The following LRRC7 variants were observed in gnomAD, a reference collection of about 807,000 sequenced individuals.
LRRC7 encodes leucine-rich repeat-containing protein 7.
Under a neutral mutation model 175.7 loss-of-function variants are expected in LRRC7, and 23 were observed. That is an observed-to-expected ratio of 0.13 (90% CI 0.09 to 0.19). LRRC7 has a LOEUF of 0.19. Among genes scored for constraint, LRRC7 ranks in the 10% least tolerant of loss-of-function variants. The probability of loss-of-function intolerance (pLI) is 1.00; values close to 1 mark genes in which losing one functional copy is unlikely to be tolerated. For synonymous variants in LRRC7, 685 were observed against 680.9 expected (o/e 1.01, Z -0.09); for missense variants, 1,354 against 1,904.7 (o/e 0.71, Z 5.38).
chr1:69,674,158 GTTAATA>G (rs1659477142), intron 1 of LRRC7, among the ~76,000 whole-genome samples: 1 of 151,890 alleles, frequency 6.6e-6, no homozygotes, highest in Admixed American at 6.6e-5. Flanking sequence ...AAATATAAGT[GTTAATA>G]TTATGTTAAT....
At chr1:69,587,776 ATCTC>A (rs745805815) in intron 1 of LRRC7, among the ~76,000 whole-genome samples, 1 of 151,950 alleles carries the variant, frequency 6.6e-6, no homozygotes, top group African/African-American at 2.4e-5. Context: ...CCCTATTATT[ATCTC>A]TCTCTCCTGC....
chr1:69,645,186 T>C (rs1332895266), intron 1 of LRRC7, among the ~76,000 whole-genome samples: 3 of 151,918 alleles, frequency 2.0e-5, no homozygotes, highest in Non-Finnish European at 4.4e-5. Context: ...ACAGATGACA[T>C]AATTAATTTT....
chr1:69,846,788 T>C (rs1682418860), intron 7 of LRRC7, among the ~76,000 whole-genome samples: 1 of 152,110 alleles, frequency 6.6e-6, no homozygotes, highest in South Asian at 2.1e-4. Flanking sequence ...ATAAATTTAG[T>C]ATACACTGGC....
intron 1 of LRRC7, among the ~76,000 whole-genome samples, chr1:69,621,066 C>T (rs1358519742): frequency 6.7e-6 from 1 of 149,418 alleles, no homozygotes; most frequent in African/African-American, 2.5e-5. Context: ...TCTTTTGAGA[C>T]AGATTTTCAC....
At chr1:70,074,615 C>T (rs749558580) in intron 23 of LRRC7, among the ~76,000 whole-genome samples, 16 of 152,156 alleles carry the variant, frequency 1.1e-4, no homozygotes, top group South Asian at 6.2e-4. Context: ...CTTTTCCTCC[C>T]GTTTCTCATG....
intron 8 of LRRC7, among the ~76,000 whole-genome samples, chr1:69,975,000 T>A (rs1361161447): frequency 2.6e-5 from 4 of 152,186 alleles, no homozygotes; most frequent in African/African-American, 7.2e-5. Context: ...TATCAGATTA[T>A]TTATCCATAA....
chr1:69,579,200 A>G (rs80338523), intron 1 of LRRC7, among the ~76,000 whole-genome samples: 2,953 of 152,168 alleles, frequency 0.019, 96 homozygotes, highest in African/African-American at 0.066. Flanking sequence ...AGGTAACAAA[A>G]AAACCCTAAA....
At chr1:69,872,857 T>C (rs1269477916) in intron 7 of LRRC7, among the ~76,000 whole-genome samples, 1 of 152,180 alleles carries the variant, frequency 6.6e-6, no homozygotes, top group African/African-American at 2.4e-5. Context: ...CATTGGTGTC[T>C]TTCAATGATG....
rs904291091 is a variant in LRRC7, at chr1:69,919,811, G to A, written c.648-11696G>A. On this transcript the variant is annotated intron_variant, in intron 7 of 26. Coordinates refer to ENST00000651989, the MANE Select transcript of LRRC7 (RefSeq NM_001370785.2). The stretch of plus-strand genomic sequence containing the variant: ...GAGCGGGACAGTGTTCACGGATTCC[G>A]GCATCCACGTCATTGTCCGCACGGA... 26 of 781,878 alleles carry A rather than the reference G, an allele frequency of 3.3e-5. No individual in the cohort carries two copies. In the African/African-American group the frequency reaches 3.8e-4, roughly 11 times the overall value. 48.4% of individuals were successfully genotyped at this position (781,878 alleles called of 1,614,324 possible).
intron 7 of LRRC7, among the ~76,000 whole-genome samples, chr1:69,906,005 C>T (rs997789699): frequency 2.0e-5 from 3 of 152,202 alleles, no homozygotes; most frequent in African/African-American, 7.2e-5. Context: ...TCTCTGATGG[C>T]CAGTGATGGC....
intron 7 of LRRC7, among the ~76,000 whole-genome samples, chr1:69,890,703 C>A (rs543730198): frequency 6.6e-6 from 1 of 152,288 alleles, no homozygotes; most frequent in Non-Finnish European, 1.5e-5. Flanking sequence ...ATATTGAAAA[C>A]CTGTTTTTTA....
intron 23 of LRRC7, among the ~76,000 whole-genome samples, chr1:70,055,434 T>C (rs1661071669): frequency 6.6e-6 from 1 of 152,140 alleles, no homozygotes; most frequent in Non-Finnish European, 1.5e-5. Context: ...TTAGGAAGAT[T>C]CTATAGTAAT....
intron 18 of LRRC7, among the ~76,000 whole-genome samples, chr1:70,029,180 G>C (rs1328322263): frequency 1.3e-5 from 2 of 151,974 alleles, no homozygotes; most frequent in Non-Finnish European, 2.9e-5. Context: ...AACACTGTGA[G>C]AGAGAGAAAA....
intron 1 of LRRC7, among the ~76,000 whole-genome samples, chr1:69,604,490 A>G (rs1367997305): frequency 6.6e-6 from 1 of 152,180 alleles, no homozygotes; most frequent in African/African-American, 2.4e-5. Context: ...TATTCAAAAC[A>G]TGAAACTAGA....
At chr1:70,008,835 G>T (rs1166872916) in intron 11 of LRRC7, among the ~76,000 whole-genome samples, 2 of 152,110 alleles carry the variant, frequency 1.3e-5, no homozygotes, top group Non-Finnish European at 1.5e-5. Context: ...TAACAGAAGG[G>T]CAATGACCAA....
At chr1:69,821,936 T>C (rs2101215266) in intron 4 of LRRC7, among the ~76,000 whole-genome samples, 1 of 152,114 alleles carries the variant, frequency 6.6e-6, no homozygotes, top group South Asian at 2.1e-4. Flanking sequence ...TATTCCCTTG[T>C]TTTGTTTTGT....
chr1:70,006,772 T>C (rs1007212162), intron 11 of LRRC7, among the ~76,000 whole-genome samples: 1 of 152,136 alleles, frequency 6.6e-6, no homozygotes, highest in Non-Finnish European at 1.5e-5. Flanking sequence ...CACCTATAAA[T>C]TGGGGCTCCC....
chr1:70,090,656 C>A (rs1319448271), intron 25 of LRRC7, among the ~76,000 whole-genome samples: 2 of 151,910 alleles, frequency 1.3e-5, no homozygotes, highest in Non-Finnish European at 2.9e-5. Context: ...CATTAACTGA[C>A]CCCATAAAAC....
chr1:69,855,987 C>T (rs1435641702), intron 7 of LRRC7, among the ~76,000 whole-genome samples: 1 of 152,128 alleles, frequency 6.6e-6, no homozygotes, highest in Non-Finnish European at 1.5e-5. Context: ...GGTAGATCTT[C>T]CTCCATCCCT....
Sources: gnomAD v4.1 joint callset for allele counts (sites outside exome capture counted in the v4.1 genomes callset) on GRCh38, gnomAD v4.1.1 for gene constraint, MANE v1.5 for transcripts, NCBI Gene and HGNC (gene_info 2026-07-23, HGNC 2026-07-21) for gene names.